The following RORA variants were observed in gnomAD, a reference collection of about 807,000 sequenced individuals.
The protein encoded by RORA is nuclear receptor ROR-alpha.
Under a neutral mutation model 69.5 loss-of-function variants are expected in RORA, and 7 were observed. The ratio of observed to expected loss-of-function variants is 0.10; its 90% CI spans 0.06 to 0.19. The LOEUF (loss-of-function observed/expected upper bound fraction) is 0.19, where lower values mean the gene tolerates loss of function less well. Ranked by LOEUF, RORA falls within the 10% of genes least tolerant of loss-of-function variation. The pLI, the probability that RORA is intolerant of heterozygous loss-of-function variation, is 1.00. For synonymous variants in RORA, 261 were observed against 240.8 expected (o/e 1.08, Z -0.78); for missense variants, 457 against 663.0 (o/e 0.69, Z 3.41).
chr15:61,162,160 G>T lies in RORA; in HGVS notation c.166+66893C>A, dbSNP rs141670385. Among the ~76,000 whole-genome samples the T allele has an allele frequency of 7.4e-4, 112 of 152,238 alleles. No individual in the cohort carries two copies. In the East Asian group the frequency reaches 0.02, roughly 28 times the overall value. ...TAAAAATATTTCACAGTAAAGAAAT[G>T]ATATAGCTGTTATGATCTGTAACGA... On this transcript the variant is annotated intron_variant, in intron 1 of 10. Transcript: ENST00000335670.
Position 60,770,536 on chromosome 15 carries a change from T to C in RORA, c.167-91850A>G, listed in dbSNP as rs80219901. Among the ~76,000 whole-genome samples, 424 of 152,324 alleles carry C rather than the reference T, an allele frequency of 2.8e-3. 6 individuals are homozygous for C. In the East Asian group the frequency reaches 0.038, roughly 14 times the overall value. Reference sequence around the variant, plus strand: ...ATGAGTTTCAGCTACAGGGAACCCCTTAGATGGGGCATAAAATTTCCAATG... The same window carrying C: ...ATGAGTTTCAGCTACAGGGAACCCCCTAGATGGGGCATAAAATTTCCAATG... On this transcript the variant is annotated intron_variant, in intron 1 of 10. Coordinates refer to ENST00000335670, the MANE Select transcript of RORA (RefSeq NM_134261.3).
chr15:61,085,842 T>C (rs1392427303), intron 1 of RORA, among the ~76,000 whole-genome samples: 2 of 152,264 alleles, frequency 1.3e-5, no homozygotes, highest in Non-Finnish European at 2.9e-5. Context: ...GGAGAACTAC[T>C]GGCTTAACTT....
At chr15:60,604,212 A>T (rs909410950) in intron 2 of RORA, among the ~76,000 whole-genome samples, 1 of 151,866 alleles carries the variant, frequency 6.6e-6, no homozygotes, top group African/African-American at 2.4e-5. Flanking sequence ...ACCTGTTTAT[A>T]ATATGACAGC....
intron 1 of RORA, among the ~76,000 whole-genome samples, chr15:60,768,737 G>C (rs773124970): frequency 9.2e-5 from 14 of 152,180 alleles, no homozygotes; most frequent in Non-Finnish European, 2.1e-4. Flanking sequence ...AGGCTGGCCT[G>C]ATAAAATGGA....
At chr15:60,589,633 T>C (rs796243271) in intron 2 of RORA, among the ~76,000 whole-genome samples, 8 of 152,324 alleles carry the variant, frequency 5.3e-5, no homozygotes, top group African/African-American at 1.9e-4. Context: ...AAAGCAAAAT[T>C]GAAGGATGAG....
At chr15:60,529,737 T>C (rs1038680143) in intron 3 of RORA, 3 of 152,248 alleles carry the variant, frequency 2.0e-5, no homozygotes, top group African/African-American at 2.4e-5. Flanking sequence ...GTTTGTGCCA[T>C]GGTACTCAGT....
intron 1 of RORA, among the ~76,000 whole-genome samples, chr15:60,790,449 A>C (rs1404426047): frequency 6.6e-6 from 1 of 152,180 alleles, no homozygotes; most frequent in East Asian, 1.9e-4. Context: ...TATTTCCTTC[A>C]AGAAGCTGGG....
intron 5 of RORA, among the ~76,000 whole-genome samples, chr15:60,506,970 G>T (rs188231769): frequency 1.1e-3 from 165 of 151,830 alleles, no homozygotes; most frequent in Non-Finnish European, 1.9e-3. Context: ...CTGGGCAATA[G>T]AGCGAGACTC....
At chr15:60,985,370 C>T (rs766066982) in intron 1 of RORA, among the ~76,000 whole-genome samples, 2 of 147,120 alleles carry the variant, frequency 1.4e-5, no homozygotes, top group Non-Finnish European at 3.0e-5. Flanking sequence ...GGTAGAAAAG[C>T]TTACTCCCAC....
chr15:60,649,173 C>T (rs767354043), intron 2 of RORA, among the ~76,000 whole-genome samples: 12 of 151,872 alleles, frequency 7.9e-5, no homozygotes, highest in Non-Finnish European at 1.6e-4. Context: ...GACTCACATA[C>T]ACTGGCTGAA....
rs1356004953 is a variant in RORA at position 60,952,544 on chromosome 15, A to G, written c.167-273858T>C. Among the ~76,000 whole-genome samples, 5 of 151,636 alleles carry G rather than the reference A, an allele frequency of 3.3e-5. No homozygotes were observed. In the East Asian group the frequency reaches 9.7e-4, roughly 29 times the overall value. Reference sequence around the variant, plus strand: ...CATGATTGTATATCTAGAAAACCCCATTGTCTCAGCCCAAAATCTGCTTAA... The same window carrying G: ...CATGATTGTATATCTAGAAAACCCCGTTGTCTCAGCCCAAAATCTGCTTAA... On this transcript the variant is annotated intron_variant, in intron 1 of 10. Coordinates refer to ENST00000335670, the MANE Select transcript of RORA (RefSeq NM_134261.3).
chr15:60,607,972 G>C (rs2068991876), intron 2 of RORA, among the ~76,000 whole-genome samples: 1 of 152,158 alleles, frequency 6.6e-6, no homozygotes, highest in Admixed American at 6.5e-5. Context: ...CTTTTTCTTG[G>C]CTGCAACGAT....
rs1196179318 is a variant in RORA, at chr15:60,819,765, A to ACACACACACACGCG, written c.167-141080_167-141079insCGCGTGTGTGTGTG. Among the ~76,000 whole-genome samples, 150 of 124,442 alleles carry ACACACACACACGCG rather than the reference A, an allele frequency of 1.2e-3. 2 individuals are homozygous for ACACACACACACGCG. In the South Asian group the frequency reaches 0.014, roughly 12 times the overall value. 81.6% of individuals were successfully genotyped at this position (124,442 alleles called of 152,430 possible). A position where few individuals can be genotyped will look rare whatever the true frequency, so the allele number is the denominator to read the frequency against. ...AACCCAGACACACACACACACACAC[A>ACACACACACACGCG]CACACACACACACACACACACACAC... is the stretch of plus-strand genomic sequence containing the variant. On this transcript the variant is annotated intron_variant, in intron 1 of 10. Coordinates refer to ENST00000335670, the MANE Select transcript of RORA (RefSeq NM_134261.3).
At chr15:60,806,079 A>G (rs2072656134) in intron 1 of RORA, among the ~76,000 whole-genome samples, 2 of 152,240 alleles carry the variant, frequency 1.3e-5, no homozygotes, top group Admixed American at 1.3e-4. Context: ...TGCATCCCTC[A>G]TAAGCATTTT....
chr15:60,699,597 C>A (rs1381432497), intron 1 of RORA, among the ~76,000 whole-genome samples: 1 of 152,176 alleles, frequency 6.6e-6, no homozygotes, highest in East Asian at 1.9e-4. Context: ...AGATTTGGGG[C>A]ATCTACTTCT....
At chr15:61,171,758 A>G (rs1176860418) in intron 1 of RORA, among the ~76,000 whole-genome samples, 1 of 152,226 alleles carries the variant, frequency 6.6e-6, no homozygotes, top group Admixed American at 6.5e-5. Context: ...GGCCTGGGTC[A>G]TCTGTCCTCC....
intron 1 of RORA, among the ~76,000 whole-genome samples, chr15:60,956,613 T>C (rs140736772): frequency 1.3e-3 from 196 of 152,362 alleles, no homozygotes; most frequent in African/African-American, 4.6e-3. Flanking sequence ...TCTTGGTTTC[T>C]TCATGTATAA....
intron 1 of RORA, among the ~76,000 whole-genome samples, chr15:60,989,022 A>C (rs1166343449): frequency 6.6e-6 from 1 of 152,186 alleles, no homozygotes; most frequent in East Asian, 1.9e-4. Flanking sequence ...ATTTAAACCT[A>C]ATCACCTTCA....
intron 1 of RORA, among the ~76,000 whole-genome samples, chr15:61,002,476 C>A (rs1894773400): frequency 6.6e-6 from 1 of 152,320 alleles, no homozygotes; most frequent in Admixed American, 6.5e-5. Flanking sequence ...AGGGGGATTT[C>A]TCCTAATTTA....
Sources: allele counts gnomAD v4.1 joint callset (sites outside exome capture counted in the v4.1 genomes callset), GRCh38; gene constraint gnomAD v4.1.1; transcripts MANE v1.5; gene names NCBI Gene and HGNC (gene_info 2026-07-23, HGNC 2026-07-21).